Variants in PCSK2 observed in about 807,000 individuals in gnomAD.
PCSK2 encodes neuroendocrine convertase 2.
A neutral mutation model predicts 69.7 loss-of-function variants in PCSK2; 14 were observed. The ratio of observed to expected loss-of-function variants is 0.20; its 90% confidence interval spans 0.13 to 0.31. The LOEUF (loss-of-function observed/expected upper bound fraction) is 0.31, where lower values mean the gene tolerates loss of function less well. PCSK2 is among the 10% of genes least tolerant of loss of function. The probability of loss-of-function intolerance (pLI) is 1.00; values close to 1 mark genes in which losing one functional copy is unlikely to be tolerated. For missense variants in PCSK2, 544 were observed against 842.5 expected (o/e 0.65, Z 4.39); for synonymous variants, 307 against 320.7 (o/e 0.96, Z 0.46).
intron 2 of PCSK2, among the ~76,000 whole-genome samples, chr20:17,289,683 A>G (rs1046814892): frequency 6.6e-6 from 1 of 152,144 alleles, no homozygotes; most frequent in Non-Finnish European, 1.5e-5. Context: ...TTTTGTTTAT[A>G]TCTTTTCAGT....
intron 1 of PCSK2, among the ~76,000 whole-genome samples, chr20:17,232,706 G>T (rs755078757): frequency 7.2e-5 from 11 of 152,188 alleles, no homozygotes; most frequent in Non-Finnish European, 1.5e-4. Context: ...GCAGCCAATT[G>T]TAAGTCAAAG....
At chr20:17,439,260 A>G (rs953718195) in intron 8 of PCSK2, among the ~76,000 whole-genome samples, 4 of 151,888 alleles carry the variant, frequency 2.6e-5, no homozygotes, top group Non-Finnish European at 5.9e-5. Context: ...CTCAGCCTCC[A>G]GAGTGGCTGG....
chr20:17,383,937 T>G (rs1290018620), intron 5 of PCSK2, among the ~76,000 whole-genome samples: 1 of 152,234 alleles, frequency 6.6e-6, no homozygotes, highest in East Asian at 1.9e-4. Flanking sequence ...AATATCAATT[T>G]AAATGCAAAT....
At chr20:17,434,686 T>C (rs1324890407) in intron 7 of PCSK2, among the ~76,000 whole-genome samples, 4 of 152,006 alleles carry the variant, frequency 2.6e-5, no homozygotes, top group African/African-American at 9.7e-5. Flanking sequence ...CTGGCATTCG[T>C]TGGTTTGTGG....
chr20:17,246,302 C>T (rs1986769421), intron 1 of PCSK2, among the ~76,000 whole-genome samples: 1 of 152,180 alleles, frequency 6.6e-6, no homozygotes, highest in South Asian at 2.1e-4. Flanking sequence ...GATGGCTCTT[C>T]CTATAAGCAA....
intron 2 of PCSK2, among the ~76,000 whole-genome samples, chr20:17,271,786 A>G (rs1214366429): frequency 6.6e-6 from 1 of 152,154 alleles, no homozygotes; most frequent in Non-Finnish European, 1.5e-5. Flanking sequence ...TTTTAAAAAA[A>G]TTAGTGATTA....
In PCSK2 at chr20:17,241,825, C is replaced by T. The variant is rs78280318; in HGVS notation, c.177+14343C>T. 4.3e-3 allele frequency among the ~76,000 whole-genome samples: 653 copies of T among 152,320 alleles called. 8 individuals are homozygous for T. The highest frequency in any genetic ancestry group is 0.017 in the Middle Eastern group (5 of 294). ...TAGAAGCCAAGAAGAAAAGAAAGAA[C>T]AGTGGTGTATCACCATGATCCTAGC... On this transcript the variant is annotated intron_variant, in intron 1 of 11. Coordinates refer to ENST00000262545, the MANE Select transcript of PCSK2 (RefSeq NM_002594.5).
chr20:17,247,248 A>C (rs1301201154), intron 1 of PCSK2, among the ~76,000 whole-genome samples: 1 of 152,158 alleles, frequency 6.6e-6, no homozygotes, highest in Non-Finnish European at 1.5e-5. Flanking sequence ...TGTTCTGCCT[A>C]TAAGAGATTG....
chr20:17,319,774 T>C (rs1158127733), intron 2 of PCSK2, among the ~76,000 whole-genome samples: 1 of 152,128 alleles, frequency 6.6e-6, no homozygotes, highest in African/African-American at 2.4e-5. Context: ...ACCAAAACTC[T>C]AGGGACTTTG....
Position 17,318,895 on chromosome 20 carries a change from G to GCA in PCSK2, c.283-39432_283-39431insCA, listed in dbSNP as rs148312289. 0.018 allele frequency among the ~76,000 whole-genome samples: 2,665 copies of GCA among 152,258 alleles called. 244 individuals are homozygous for GCA. The East Asian group carries it at 0.28, about 16-fold the overall frequency. On this transcript the variant is annotated intron_variant, in intron 2 of 11. Coordinates refer to ENST00000262545, the MANE Select transcript of PCSK2 (RefSeq NM_002594.5). ...ACACACAATCAGAACAGCCAGAGCAGGATTATTCAATTCAGCTGCAATCAG... is the reference window on the plus strand; with the variant it reads ...ACACACAATCAGAACAGCCAGAGCAGCAGATTATTCAATTCAGCTGCAATCAG...
chr20:17,402,834 G>C (rs1292998312), intron 5 of PCSK2, among the ~76,000 whole-genome samples: 1 of 152,080 alleles, frequency 6.6e-6, no homozygotes, highest in Non-Finnish European at 1.5e-5. Flanking sequence ...GTGGGCTCCT[G>C]TAGTCCCAGC....
intron 6 of PCSK2, among the ~76,000 whole-genome samples, chr20:17,425,453 C>G (rs2032226790): frequency 6.6e-6 from 1 of 152,206 alleles, no homozygotes; most frequent in African/African-American, 2.4e-5. Context: ...TGATCCTTGT[C>G]ACCCAACATC....
At chr20:17,228,804 A>T (rs954808844) in intron 1 of PCSK2, among the ~76,000 whole-genome samples, 5 of 152,208 alleles carry the variant, frequency 3.3e-5, no homozygotes, top group African/African-American at 1.2e-4. Context: ...CGACCCCAGA[A>T]GGGTCTGGCG....
At chr20:17,290,237 T>G (rs1988653149) in intron 2 of PCSK2, among the ~76,000 whole-genome samples, 1 of 152,206 alleles carries the variant, frequency 6.6e-6, no homozygotes, top group South Asian at 2.1e-4. Context: ...TGGCACACAG[T>G]AGGTCTTCAG....
At chr20:17,452,904 C>CA (rs1223637589) in intron 8 of PCSK2, among the ~76,000 whole-genome samples, 4 of 152,222 alleles carry the variant, frequency 2.6e-5, no homozygotes, top group Non-Finnish European at 5.9e-5. Flanking sequence ...AAGAGCCATG[C>CA]TAACTGTAGG....
chr20:17,289,344 T>C (rs1019031971), intron 2 of PCSK2, among the ~76,000 whole-genome samples: 1 of 152,200 alleles, frequency 6.6e-6, no homozygotes, highest in African/African-American at 2.4e-5. Context: ...TGAGGGTCAC[T>C]ATGAAGCTCC....
chr20:17,450,017 C>CTTTTTTTTTTTTTTTTTTTTTTTTTTTTT (rs61156656), intron 8 of PCSK2, among the ~76,000 whole-genome samples: 3 of 61,834 alleles, frequency 4.9e-5, no homozygotes, highest in Non-Finnish European at 5.7e-5. Context: ...AATTTCTTCC[C>CTTTTTTTTTTTTTTTTTTTTTTTTTTTTT]TTTTTTTTTT....
chr20:17,358,239 C>A, intron 2 of PCSK2, 88 bp from the exon 3 acceptor site: 1 of 813,222 alleles, frequency 1.2e-6, no homozygotes. Context: ...ACCTGATATA[C>A]AAATGAAATT....
At chr20:17,234,967 A>G (rs1296789168) in intron 1 of PCSK2, among the ~76,000 whole-genome samples, 1 of 152,190 alleles carries the variant, frequency 6.6e-6, no homozygotes, top group South Asian at 2.1e-4. Flanking sequence ...TGACATTTCT[A>G]TTTGACTTTC....
Sources: gnomAD v4.1 joint callset for allele counts (sites outside exome capture counted in the v4.1 genomes callset) on GRCh38, gnomAD v4.1.1 for gene constraint, MANE v1.5 for transcripts, NCBI Gene and HGNC (gene_info 2026-07-23, HGNC 2026-07-21) for gene names.